MAL: variants seen among roughly 807,000 people sequenced by gnomAD.
The protein encoded by MAL is mal, T cell differentiation protein (MAL blood group), also known as myelin and lymphocyte protein.
A neutral mutation model predicts 16.7 loss-of-function variants in MAL; 5 were observed. The observed-to-expected ratio is 0.30, with a 90% CI of 0.16 to 0.63. MAL has a LOEUF of 0.63. MAL is among the 30% of genes least tolerant of loss of function. The pLI, the probability that MAL is intolerant of heterozygous loss-of-function variation, is 0.82. For missense variants in MAL, 202 were observed against 195.8 expected (o/e 1.03, Z -0.19); for synonymous variants, 96 against 85.5 (o/e 1.12, Z -0.67).
At chr2:95,046,115 G>A (rs1303324827) in intron 1 of MAL, among the ~76,000 whole-genome samples, 1 of 152,162 alleles carries the variant, frequency 6.6e-6, no homozygotes, top group Non-Finnish European at 1.5e-5. Flanking sequence ...ATTCTCTCCT[G>A]ATTGCTTCTC....
At chr2:95,040,124 C>T (rs1196409096) in intron 1 of MAL, among the ~76,000 whole-genome samples, 1 of 149,718 alleles carries the variant, frequency 6.7e-6, no homozygotes, top group Non-Finnish European at 1.5e-5. Context: ...TACCTACCTA[C>T]ACACACACAC....
At chr2:95,039,486 G>A (rs1294548773) in intron 1 of MAL, among the ~76,000 whole-genome samples, 3 of 151,762 alleles carry the variant, frequency 2.0e-5, no homozygotes, top group South Asian at 2.1e-4. Flanking sequence ...GTAAGTGACT[G>A]AGTGACTGAG....
Position 95,053,550 on chromosome 2 carries a change from G to A in MAL, c.*95G>A. 9.9e-7 allele frequency: 1 copy of A among 1,005,612 alleles called. No individual in the cohort carries two copies. Among genetic ancestry groups the A allele is most frequent in the Non-Finnish European group, 1.5e-6 (1 of 650,016 alleles). The allele number at this position is 1,005,612 out of a possible 1,614,324, so 62.3% of individuals were successfully genotyped here. Reference sequence around the variant, plus strand: ...TTTAGAAAACAGAAATGCCCTTGATGGTGGAAAAAAGAAAACAACCACCCC... The same window carrying A: ...TTTAGAAAACAGAAATGCCCTTGATAGTGGAAAAAAGAAAACAACCACCCC... On this transcript the variant is annotated 3_prime_UTR_variant, in exon 4 of 4. Transcript: ENST00000309988.
At chr2:95,032,443 G>T (rs764480990) in intron 1 of MAL, among the ~76,000 whole-genome samples, 23 of 152,216 alleles carry the variant, frequency 1.5e-4, no homozygotes, top group Non-Finnish European at 3.1e-4. Context: ...CCACTCCAGG[G>T]CTTCCTCCTG....
At chr2:95,027,540 GGGGT>G (rs1673971685) in intron 1 of MAL, among the ~76,000 whole-genome samples, 2 of 152,188 alleles carry the variant, frequency 1.3e-5, no homozygotes, top group Non-Finnish European at 2.9e-5. Flanking sequence ...CTCTAGATTA[GGGGT>G]GGGCTCGCAG....
At chr2:95,052,722 A>C (rs998973014) in intron 3 of MAL, among the ~76,000 whole-genome samples, 1 of 152,210 alleles carries the variant, frequency 6.6e-6, no homozygotes, top group African/African-American at 2.4e-5. Flanking sequence ...CCCAGAAAGC[A>C]GGGCCATCGC....
chr2:95,045,142 G>A (rs1480818779), intron 1 of MAL, among the ~76,000 whole-genome samples: 1 of 152,188 alleles, frequency 6.6e-6, no homozygotes, highest in Non-Finnish European at 1.5e-5. Context: ...CAGACACCTG[G>A]CTCCACCCTG....
chr2:95,050,439 C>T (rs1399001780), intron 3 of MAL, among the ~76,000 whole-genome samples: 2 of 152,222 alleles, frequency 1.3e-5, no homozygotes, highest in Non-Finnish European at 2.9e-5. Flanking sequence ...CTCTTCAGAT[C>T]TCTAGAACTT....
intron 1 of MAL, among the ~76,000 whole-genome samples, chr2:95,031,782 A>T (rs963546163): frequency 1.3e-5 from 2 of 152,180 alleles, no homozygotes; most frequent in African/African-American, 4.8e-5. Context: ...GTAGCTATTT[A>T]GAGAGGGCTA....
chr2:95,049,535 C>T (rs1674666387), intron 2 of MAL, 46 bp from the exon 3 acceptor site: 1 of 1,608,740 alleles, frequency 6.2e-7, no homozygotes. Flanking sequence ...GCATCTGGGC[C>T]CCGTCTCTCT....
intron 1 of MAL, among the ~76,000 whole-genome samples, chr2:95,026,914 G>A (rs1673956182): frequency 6.6e-6 from 1 of 152,120 alleles, no homozygotes; most frequent in Non-Finnish European, 1.5e-5. Flanking sequence ...GAGGGGGAGG[G>A]TGTGAATACC....
intron 3 of MAL, chr2:95,051,551 C>T (rs1190275298): frequency 6.6e-6 from 1 of 152,234 alleles, no homozygotes; most frequent in East Asian, 1.9e-4. Context: ...TTCTCTCACC[C>T]TTGTGTTTGT....
chr2:95,046,211 C>G (rs1674582231), intron 1 of MAL, among the ~76,000 whole-genome samples: 1 of 152,172 alleles, frequency 6.6e-6, no homozygotes, highest in Non-Finnish European at 1.5e-5. Flanking sequence ...GTGGGGGGGT[C>G]AAGGTGCTAT....
chr2:95,043,361 G>A (rs1674514859), intron 1 of MAL, among the ~76,000 whole-genome samples: 1 of 152,236 alleles, frequency 6.6e-6, no homozygotes, highest in South Asian at 2.1e-4. Flanking sequence ...TGGGCTCAGT[G>A]CCAGAAGCTT....
chr2:95,036,805 GTGAGTGAGTGACTTAGTGAC>G (rs1674221132), intron 1 of MAL, among the ~76,000 whole-genome samples: 1 of 151,822 alleles, frequency 6.6e-6, no homozygotes, highest in Non-Finnish European at 1.5e-5. Context: ...GACTGAGTGT[GTGAGTGAGTGACTTAGTGAC>G]TGAGTGAGTG....
At chr2:95,046,335 C>A (rs1674584891) in intron 1 of MAL, among the ~76,000 whole-genome samples, 2 of 152,106 alleles carry the variant, frequency 1.3e-5, no homozygotes, top group African/African-American at 2.4e-5. Context: ...TCCACATAGG[C>A]CTGGAGTGCT....
chr2:95,051,580 TG>T (rs1419717435), intron 3 of MAL: 1 of 152,250 alleles, frequency 6.6e-6, no homozygotes, highest in African/African-American at 2.4e-5. Context: ...CCCAAGTGGC[TG>T]GGTGTAGATG....
chr2:95,037,572 GTGAC>G (rs1281489031), intron 1 of MAL, among the ~76,000 whole-genome samples: 3 of 150,390 alleles, frequency 2.0e-5, no homozygotes, highest in Non-Finnish European at 3.0e-5. Context: ...GAGTGAGTGA[GTGAC>G]TGAGTGACTG....
chr2:95,040,308 C>T (rs1674428189), intron 1 of MAL, among the ~76,000 whole-genome samples: 1 of 152,074 alleles, frequency 6.6e-6, no homozygotes, highest in Admixed American at 6.5e-5. Flanking sequence ...TGCACGCAAA[C>T]ACATACACAT....
Sources: gnomAD v4.1 joint callset for allele counts (sites outside exome capture counted in the v4.1 genomes callset) on GRCh38, gnomAD v4.1.1 for gene constraint, MANE v1.5 for transcripts, NCBI Gene and HGNC (gene_info 2026-07-23, HGNC 2026-07-21) for gene names.